GRK6: variants seen among roughly 807,000 people sequenced by gnomAD.
GRK6 encodes G protein-coupled receptor kinase 6.
Under a neutral mutation model 80.8 loss-of-function variants are expected in GRK6, and 37 were observed. The ratio of observed to expected loss-of-function variants is 0.46; its 90% confidence interval spans 0.35 to 0.60. The LOEUF is 0.60. Ranked by LOEUF, GRK6 falls within the 20% of genes least tolerant of loss-of-function variation. GRK6 has a pLI of 0.00. For missense variants in GRK6, 560 were observed against 784.6 expected (o/e 0.71, Z 3.42); for synonymous variants, 295 against 320.9 (o/e 0.92, Z 0.86).
At chr5:177,427,072 C>G (rs1763702490) in intron 1 of GRK6, among the ~76,000 whole-genome samples, 175 bp downstream of exon 1, 1 of 152,048 alleles carries the variant, frequency 6.6e-6, no homozygotes, top group South Asian at 2.1e-4. Context: ...GCACCTGCCC[C>G]CGGGATTCGG....
chr5:177,427,601 A>G (rs1763725607), intron 1 of GRK6, among the ~76,000 whole-genome samples: 1 of 151,908 alleles, frequency 6.6e-6, no homozygotes, highest in Non-Finnish European at 1.5e-5. Flanking sequence ...CCCACCCCAG[A>G]TGTTATCAGG....
In GRK6 at chr5:177,426,915, G is replaced by T; in HGVS notation, c.52+18G>T. The T allele has an allele frequency of 7.3e-7, 1 of 1,364,078 alleles. No individual in the cohort carries two copies. The highest frequency in any genetic ancestry group is 2.8e-5 in the East Asian group (1 of 35,154). The allele number at this position is 1,364,078 out of a possible 1,614,324, so 84.5% of individuals were successfully genotyped here. A position where few individuals can be genotyped will look rare whatever the true frequency, so the allele number is the denominator to read the frequency against. On this transcript the variant is annotated intron_variant, in intron 1 of 15. Coordinates refer to ENST00000355472, the MANE Select transcript of GRK6 (RefSeq NM_001004106.3). Reference sequence around the variant, plus strand: ...CCGGGAAGGTGAGGCGGCCGGGTGGGCGGCCGGGCCCGGGTGCGTGGAGCG... The same window carrying T: ...CCGGGAAGGTGAGGCGGCCGGGTGGTCGGCCGGGCCCGGGTGCGTGGAGCG...
rs780589980 is a variant in GRK6 at position 177,430,878 on chromosome 5, G to T, written c.59G>T (p.Gly20Val). 1 of 1,613,894 alleles carries T rather than the reference G, an allele frequency of 6.2e-7. No individual in the cohort carries two copies. The highest frequency in any genetic ancestry group is 1.3e-5 in the African/African-American group (1 of 74,942). ...TVLLKAREGG[G>V]GNRKGKSKKW... ...TGTCCTATTGCTCCCACAGGTGGCG[G>T]TGGAAATCGCAAAGGCAAAAGCAAG... Residue 20 changes from glycine to valine, a missense_variant, in exon 2 of 16, where the codon GGT (glycine) becomes GTT (valine). This residue lies in a region of GRK6 where 189 missense variants were observed against 230.2 expected (regional missense o/e 0.82). Transcript: ENST00000355472.
chr5:177,430,694 G>T, intron 1 of GRK6, 178 bp from the exon 2 acceptor site: 1 of 609,396 alleles, frequency 1.6e-6, no homozygotes, highest in Non-Finnish European at 3.0e-6. Context: ...AGCAGGAGAA[G>T]CACGTGTGTC....
In GRK6 at chr5:177,432,214, T is replaced by C. The variant is rs1336243227; in HGVS notation, c.262-19T>C. On this transcript the variant is annotated intron_variant, in intron 3 of 15. Transcript: ENST00000355472. ...TTGCCCTGCCCAGACCTCCAGCTTC[T>C]TTGCTTTCCACCCTGCAGGCCGAGT... is the stretch of plus-strand genomic sequence containing the variant. 1 of 1,613,858 alleles carries C rather than the reference T, an allele frequency of 6.2e-7. No individual in the cohort carries two copies. Among genetic ancestry groups the C allele is most frequent in the Non-Finnish European group, 8.5e-7 (1 of 1,179,944 alleles).
intron 13 of GRK6, among the ~76,000 whole-genome samples, chr5:177,439,251 C>T (rs1198296758): frequency 6.6e-6 from 1 of 152,104 alleles, no homozygotes. Flanking sequence ...TTAAAGTGTA[C>T]AATTCGGCTG....
chr5:177,436,285 C>T lies in GRK6; in HGVS notation c.1266+4C>T, dbSNP rs376049772. The T allele has an allele frequency of 1.1e-5, 17 of 1,613,826 alleles. No individual in the cohort carries two copies. Among genetic ancestry groups the T allele is most frequent in the Non-Finnish European group, 1.4e-5 (16 of 1,179,950 alleles). On this transcript the variant is annotated splice_donor_region_variant and intron_variant, in intron 12 of 15. Coordinates refer to ENST00000355472, the MANE Select transcript of GRK6 (RefSeq NM_001004106.3). ...GGCCCGCTCACTTTGCTCACAGGTA[C>T]GGCAGCTCACAGAAGCCTGGCCAGC... is the stretch of plus-strand genomic sequence containing the variant.
rs1227664928 is a variant in GRK6, at chr5:177,434,812, C to G, written c.930-90C>G. Reference sequence around the variant, plus strand: ...GTCTCGCACCTTGCTCCACACCTGGCCCCCGGAGGCGAGTGAGCTGGGGGG... The same window carrying G: ...GTCTCGCACCTTGCTCCACACCTGGGCCCCGGAGGCGAGTGAGCTGGGGGG... On this transcript the variant is annotated intron_variant, in intron 9 of 15. Transcript: ENST00000355472. The G allele has an allele frequency of 4.4e-5, 64 of 1,445,364 alleles. 1 individual carries two copies. The highest frequency in any genetic ancestry group is 1.0e-4 in the Admixed American group (6 of 59,332). The allele number at this position is 1,445,364 out of a possible 1,614,324, so 89.5% of individuals were successfully genotyped here. A position where few individuals can be genotyped will look rare whatever the true frequency, so the allele number is the denominator to read the frequency against.
rs917431175 is a variant in GRK6, at chr5:177,431,704, G to C, written c.149-291G>C. Reference sequence around the variant, plus strand: ...ACCCAACCCCAGTACCGTGACATACGCAAGTCGTGTAAATCAGGAGACAAT... The same window carrying C: ...ACCCAACCCCAGTACCGTGACATACCCAAGTCGTGTAAATCAGGAGACAAT... On this transcript the variant is annotated intron_variant, in intron 2 of 15. Coordinates refer to ENST00000355472, the MANE Select transcript of GRK6 (RefSeq NM_001004106.3). 10 of 460,198 alleles carry C rather than the reference G, an allele frequency of 2.2e-5. No individual in the cohort carries two copies. In the East Asian group the frequency reaches 4.6e-4, roughly 21 times the overall value. 28.5% of individuals were successfully genotyped at this position (460,198 alleles called of 1,614,324 possible).
Position 177,426,838 on chromosome 5 carries a change from C to T in GRK6, c.-8C>T, listed in dbSNP as rs777919959. ...CGCGGCCCGGCGGGCCAGGCGGCGC[C>T]ACAGCCCATGGAGCTCGAGAACATC... On this transcript the variant is annotated 5_prime_UTR_variant, in exon 1 of 16. Coordinates refer to ENST00000355472, the MANE Select transcript of GRK6 (RefSeq NM_001004106.3). 45 of 1,271,670 alleles carry T rather than the reference C, an allele frequency of 3.5e-5. No individual in the cohort carries two copies. Among genetic ancestry groups the T allele is most frequent in the Non-Finnish European group, 4.5e-5 (45 of 1,006,018 alleles). The allele number at this position is 1,271,670 out of a possible 1,614,324, so 78.8% of individuals were successfully genotyped here. A position where few individuals can be genotyped will look rare whatever the true frequency, so the allele number is the denominator to read the frequency against.
In GRK6 at chr5:177,442,589, TC is replaced by T; in HGVS notation, c.*803del. 1 of 152,750 alleles carries T rather than the reference TC, an allele frequency of 6.5e-6. No homozygotes were observed. Among genetic ancestry groups the T allele is most frequent in the East Asian group, 1.9e-4 (1 of 5,160 alleles). 9.5% of individuals were successfully genotyped at this position (152,750 alleles called of 1,614,324 possible). The stretch of plus-strand genomic sequence containing the variant: ...TGGTCAACCCTCAAACATTCCGGAC[TC>T]CCCTCATAACAATAGACACATGTGC... On this transcript the variant is annotated 3_prime_UTR_variant, in exon 16 of 16. Coordinates refer to ENST00000355472, the MANE Select transcript of GRK6 (RefSeq NM_001004106.3).
intron 15 of GRK6, among the ~76,000 whole-genome samples, chr5:177,441,522 T>C (rs1366266779): frequency 2.6e-5 from 4 of 152,110 alleles, no homozygotes; most frequent in African/African-American, 9.7e-5. Context: ...GCCCCCTTAC[T>C]TCAGTCTGTT....
chr5:177,428,309 G>C lies in GRK6; in HGVS notation c.52+1412G>C, dbSNP rs1763752137. 6.6e-6 allele frequency among the ~76,000 whole-genome samples: 1 copy of C among 152,278 alleles called. No homozygotes were observed. Among genetic ancestry groups the C allele is most frequent in the African/African-American group, 2.4e-5 (1 of 41,480 alleles). ...GCTGATGGCACTGCCTGGCCGGAGA[G>C]TGTGGGTACCTTTGGACAAGCTTTG... On this transcript the variant is annotated intron_variant, in intron 1 of 15. Transcript: ENST00000355472. The surrounding 1 kb of genome is among the most constrained non-coding windows in gnomAD (Gnocchi z 4.1).
intron 8 of GRK6, 60 bp from the exon 9 acceptor site, chr5:177,433,854 A>AGCCCTGCC (rs1764018355): frequency 2.7e-6 from 4 of 1,497,780 alleles, no homozygotes; most frequent in Non-Finnish European, 3.6e-6. Context: ...TTTTTTGGGC[A>AGCCCTGCC]GCCCTGCCGC....
upstream of GRK6, chr5:177,426,379 TC>T (rs1431809959): frequency 3.3e-5 from 5 of 152,156 alleles, no homozygotes; most frequent in African/African-American, 1.2e-4. Flanking sequence ...AGTACCCACC[TC>T]CATTGTCCCG....
intron 8 of GRK6, 73 bp downstream of exon 8, chr5:177,433,749 C>A: frequency 6.3e-7 from 1 of 1,580,278 alleles, no homozygotes; most frequent in South Asian, 1.1e-5. Context: ...CCCCAGGCCC[C>A]ACCCTCCCAT....
At chr5:177,430,431 G>A (rs1763838295) in intron 1 of GRK6, among the ~76,000 whole-genome samples, 1 of 152,236 alleles carries the variant, frequency 6.6e-6, no homozygotes, top group African/African-American at 2.4e-5. Flanking sequence ...CCTGGTGATA[G>A]AGGCCTGGGA....
In GRK6 at chr5:177,433,390, G is replaced by A; in HGVS notation, c.577G>A (p.Gly193Ser). 6.2e-7 allele frequency: 1 copy of A among 1,613,836 alleles called. No individual in the cohort carries two copies. Among genetic ancestry groups the A allele is most frequent in the Non-Finnish European group, 8.5e-7 (1 of 1,179,816 alleles). ...KNTFRQYRVLGKGGFGEVCAC... is the reference protein window; with the variant it reads ...KNTFRQYRVLSKGGFGEVCAC... ...CACCTTCAGGCAATACCGAGTCCTG[G>A]GCAAAGGTGGCTTTGGGGAGGTGAG... The change falls in exon 7 of 16, where the codon GGC becomes AGC. Residue 193 changes from glycine to serine, a missense_variant. Physicochemically the swap from Gly to Ser is moderately conservative, Grantham distance 56. Around this residue, in one of 3 missense-constraint regions of GRK6, gnomAD observed 77 missense variants for 156.9 expected, o/e 0.49. Transcript: ENST00000355472.
chr5:177,426,918 G>C lies in GRK6; in HGVS notation c.52+21G>C, dbSNP rs973297587. Reference sequence around the variant, plus strand: ...GGAAGGTGAGGCGGCCGGGTGGGCGGCCGGGCCCGGGTGCGTGGAGCGCGA... The same window carrying C: ...GGAAGGTGAGGCGGCCGGGTGGGCGCCCGGGCCCGGGTGCGTGGAGCGCGA... On this transcript the variant is annotated intron_variant, in intron 1 of 15. Transcript: ENST00000355472. The C allele has an allele frequency of 5.9e-6, 8 of 1,353,182 alleles. No individual in the cohort carries two copies. The African/African-American group carries it at 7.5e-5, about 13-fold the overall frequency. 83.8% of individuals were successfully genotyped at this position (1,353,182 alleles called of 1,614,324 possible).
Sources: gnomAD v4.1 joint callset for allele counts (sites outside exome capture counted in the v4.1 genomes callset) on GRCh38, gnomAD v4.1.1 for gene constraint, gnomAD v4.1.1 regional missense constraint, Gnocchi (gnomAD v3.1) non-coding constraint, MANE v1.5 for transcripts, NCBI Gene and HGNC (gene_info 2026-07-23, HGNC 2026-07-21) for gene names.